The following SH3GL2 variants were observed in gnomAD, a reference collection of about 807,000 sequenced individuals.
SH3GL2 encodes the protein endophilin-A1.
A neutral mutation model predicts 46.0 loss-of-function variants in SH3GL2; 24 were observed. The observed-to-expected ratio is 0.52, with a 90% CI of 0.38 to 0.73. The LOEUF (loss-of-function observed/expected upper bound fraction) is 0.73. SH3GL2 is among the 30% of genes least tolerant of loss of function. The pLI, the probability that SH3GL2 is intolerant of heterozygous loss-of-function variation, is 0.00. For missense variants in SH3GL2, 413 were observed against 424.2 expected (o/e 0.97, Z 0.23); for synonymous variants, 196 against 147.1 (o/e 1.33, Z -2.40).
At chr9:17,674,425 C>G (rs1820554962) in intron 1 of SH3GL2, among the ~76,000 whole-genome samples, 1 of 152,066 alleles carries the variant, frequency 6.6e-6, no homozygotes, top group Non-Finnish European at 1.5e-5. Flanking sequence ...GCCCACCATG[C>G]CTGGCTAATT....
rs950380112 is a variant in SH3GL2 at position 17,607,755 on chromosome 9, G to A, written c.45+28468G>A. 4.6e-5 allele frequency among the ~76,000 whole-genome samples: 7 copies of A among 152,198 alleles called. No homozygotes were observed. The South Asian group carries it at 1.2e-3, about 27-fold the overall frequency. On this transcript the variant is annotated intron_variant, in intron 1 of 8. Coordinates refer to ENST00000380607, the MANE Select transcript of SH3GL2 (RefSeq NM_003026.5). Reference sequence around the variant, plus strand: ...TTTGAATGGCTAAAAATTCCAGCAGGGTTCAAGAGCTTGTCCTTTTTGATT... The same window carrying A: ...TTTGAATGGCTAAAAATTCCAGCAGAGTTCAAGAGCTTGTCCTTTTTGATT...
intron 1 of SH3GL2, among the ~76,000 whole-genome samples, chr9:17,594,133 C>T (rs1379565937): frequency 1.3e-5 from 2 of 152,148 alleles, no homozygotes; most frequent in South Asian, 4.1e-4. Flanking sequence ...TTATGGCTCC[C>T]AGGATAGGTC....
chr9:17,590,012 G>A (rs948375406), intron 1 of SH3GL2: 1 of 152,248 alleles, frequency 6.6e-6, no homozygotes, highest in African/African-American at 2.4e-5. Flanking sequence ...CAGTTGAGCA[G>A]CTTGGCCAGG....
At chr9:17,775,380 A>G (rs909068616) in intron 3 of SH3GL2, among the ~76,000 whole-genome samples, 1 of 152,204 alleles carries the variant, frequency 6.6e-6, no homozygotes, top group African/African-American at 2.4e-5. Context: ...AGAGAAAAAA[A>G]CTAACATTTT....
chr9:17,740,658 T>G (rs1010781248), intron 1 of SH3GL2, among the ~76,000 whole-genome samples: 4 of 152,192 alleles, frequency 2.6e-5, no homozygotes, highest in Admixed American at 2.6e-4. Flanking sequence ...GCTTGTGCAT[T>G]AAGTAATGTT....
chr9:17,636,659 C>T (rs1819551429), intron 1 of SH3GL2, among the ~76,000 whole-genome samples: 1 of 152,096 alleles, frequency 6.6e-6, no homozygotes, highest in Non-Finnish European at 1.5e-5. Flanking sequence ...AGTTAATAAC[C>T]CTCATCACCC....
At chr9:17,773,564 TA>T (rs1823554918) in intron 3 of SH3GL2, among the ~76,000 whole-genome samples, 3 of 152,134 alleles carry the variant, frequency 2.0e-5, no homozygotes, top group Admixed American at 2.0e-4. Flanking sequence ...TTGAAAAGAC[TA>T]TTATTTCTCG....
At chr9:17,716,211 A>G (rs111953509) in intron 1 of SH3GL2, among the ~76,000 whole-genome samples, 53 of 152,060 alleles carry the variant, frequency 3.5e-4, no homozygotes, top group Middle Eastern at 3.4e-3. Flanking sequence ...TGTCATTTGG[A>G]TCTTTTATTT....
chr9:17,604,289 A>G (rs1818721058), intron 1 of SH3GL2, among the ~76,000 whole-genome samples: 1 of 152,230 alleles, frequency 6.6e-6, no homozygotes, highest in Non-Finnish European at 1.5e-5. Context: ...TTACTCGCCA[A>G]GTCCACACAG....
chr9:17,695,728 G>A (rs1446878016), intron 1 of SH3GL2, among the ~76,000 whole-genome samples: 3 of 151,782 alleles, frequency 2.0e-5, no homozygotes, highest in African/African-American at 7.3e-5. Context: ...CAGAGAGCTA[G>A]GAGTGGATTA....
intron 1 of SH3GL2, among the ~76,000 whole-genome samples, chr9:17,592,858 A>G (rs911874592): frequency 2.0e-5 from 3 of 152,148 alleles, no homozygotes; most frequent in Non-Finnish European, 4.4e-5. Context: ...AGAAAGACCA[A>G]TGTATGCTTA....
At chr9:17,751,805 C>A (rs1886587) in intron 2 of SH3GL2, among the ~76,000 whole-genome samples, 1 of 152,084 alleles carries the variant, frequency 6.6e-6, no homozygotes, top group African/African-American at 2.4e-5. Flanking sequence ...ATGTCTCCTT[C>A]ATGGTGTGAT....
At chr9:17,633,154 G>A (rs916234002) in intron 1 of SH3GL2, among the ~76,000 whole-genome samples, 1 of 152,176 alleles carries the variant, frequency 6.6e-6, no homozygotes, top group Non-Finnish European at 1.5e-5. Context: ...TCAAGTGAGT[G>A]TGCCCTCAGG....
At chr9:17,669,355 G>A (rs1027782018) in intron 1 of SH3GL2, among the ~76,000 whole-genome samples, 1 of 152,084 alleles carries the variant, frequency 6.6e-6, no homozygotes, top group Non-Finnish European at 1.5e-5. Context: ...GTTCACCACC[G>A]CAGTCAAAAC....
chr9:17,760,853 A>C (rs1563843186), intron 2 of SH3GL2, among the ~76,000 whole-genome samples: 1 of 152,322 alleles, frequency 6.6e-6, no homozygotes, highest in South Asian at 2.1e-4. Context: ...TGAGATGCTG[A>C]AGGCAAACAC....
At chr9:17,781,757 G>A (rs1255984884) in intron 3 of SH3GL2, among the ~76,000 whole-genome samples, 1 of 151,968 alleles carries the variant, frequency 6.6e-6, no homozygotes, top group East Asian at 1.9e-4. Context: ...GATTCTCCAG[G>A]TACCTAGAAT....
intron 2 of SH3GL2, among the ~76,000 whole-genome samples, chr9:17,757,492 G>A (rs1430303601): frequency 1.3e-5 from 2 of 152,124 alleles, no homozygotes; most frequent in Non-Finnish European, 2.9e-5. Context: ...AAAAGTGGGC[G>A]AAGGATATGA....
At chr9:17,637,285 T>C (rs1292787018) in intron 1 of SH3GL2, among the ~76,000 whole-genome samples, 1 of 152,170 alleles carries the variant, frequency 6.6e-6, no homozygotes, top group East Asian at 1.9e-4. Flanking sequence ...GGAATGAAAA[T>C]GGAAATGGTT....
intron 1 of SH3GL2, among the ~76,000 whole-genome samples, chr9:17,579,798 C>T (rs944274687): frequency 6.6e-6 from 1 of 152,182 alleles, no homozygotes; most frequent in Non-Finnish European, 1.5e-5. Context: ...CCTCCTTCCC[C>T]GCCGCCCGCA....
Sources: gnomAD v4.1 joint callset for allele counts (sites outside exome capture counted in the v4.1 genomes callset) on GRCh38, gnomAD v4.1.1 for gene constraint, MANE v1.5 for transcripts, NCBI Gene and HGNC (gene_info 2026-07-23, HGNC 2026-07-21) for gene names.